TBC1D5: variants seen among roughly 807,000 people sequenced by gnomAD.
The protein encoded by TBC1D5 is TBC1 domain family, member 5.
A neutral mutation model predicts 100.3 loss-of-function variants in TBC1D5; 75 were observed. The observed-to-expected ratio is 0.75, with a 90% confidence interval of 0.62 to 0.91. TBC1D5 has a LOEUF of 0.91. TBC1D5 is among the 40% of genes least tolerant of loss of function. TBC1D5 has a pLI of 0.00. For synonymous variants in TBC1D5, 323 were observed against 325.6 expected (o/e 0.99, Z 0.09); for missense variants, 910 against 942.4 (o/e 0.97, Z 0.45).
chr3:17,670,234 C>G (rs2067784773), intron 1 of TBC1D5, among the ~76,000 whole-genome samples: 1 of 152,130 alleles, frequency 6.6e-6, no homozygotes, highest in Non-Finnish European at 1.5e-5. Context: ...TCAGTGAATA[C>G]CAAATCACTC....
In TBC1D5 at chr3:17,261,893, TAACCTTTA is replaced by T. The variant is rs1320271331; in HGVS notation, c.1246-3310_1246-3303del. 1.3e-3 allele frequency among the ~76,000 whole-genome samples: 205 copies of T among 152,100 alleles called. 1 individual carries two copies. Among genetic ancestry groups the T allele is most frequent in the Admixed American group, 2.2e-3 (33 of 15,280 alleles). ...AACTTTATAAAAATATAATGATTTC[TAACCTTTA>T]AAGTTCTGGAATCTCCTCTAAAATA... On this transcript the variant is annotated intron_variant, in intron 15 of 21. Coordinates refer to ENST00000253692, the Ensembl canonical transcript of TBC1D5.
At chr3:17,422,656 A>G (rs1437834239) in intron 4 of TBC1D5, among the ~76,000 whole-genome samples, 3 of 152,174 alleles carry the variant, frequency 2.0e-5, no homozygotes, top group African/African-American at 7.2e-5. Context: ...TGTTATTTCT[A>G]TAAGATATAT....
chr3:17,734,426 T>C (rs1052688095), intron 1 of TBC1D5, among the ~76,000 whole-genome samples: 16 of 152,298 alleles, frequency 1.1e-4, no homozygotes, highest in African/African-American at 2.9e-4. Context: ...AAGCTTAAAA[T>C]TTTTTGGACC....
intron 3 of TBC1D5, among the ~76,000 whole-genome samples, chr3:17,446,110 C>T (rs1460257004): frequency 6.6e-6 from 1 of 152,144 alleles, no homozygotes; most frequent in Non-Finnish European, 1.5e-5. Context: ...AAAATATGTA[C>T]GGCAGAAGGA....
intron 13 of TBC1D5, among the ~76,000 whole-genome samples, chr3:17,328,500 A>T (rs372013436): frequency 4.9e-4 from 75 of 152,260 alleles, no homozygotes; most frequent in Non-Finnish European, 7.9e-4. Flanking sequence ...AATGAGGAAA[A>T]GTGATTTGTC....
At chr3:17,526,610 C>G (rs1482129967) in intron 2 of TBC1D5, among the ~76,000 whole-genome samples, 2 of 152,140 alleles carry the variant, frequency 1.3e-5, no homozygotes, top group African/African-American at 4.8e-5. Flanking sequence ...TTTCCTCACA[C>G]GTAAAATGGT....
intron 2 of TBC1D5, among the ~76,000 whole-genome samples, chr3:17,602,714 A>C (rs902580170): frequency 6.6e-6 from 1 of 151,650 alleles, no homozygotes; most frequent in African/African-American, 2.4e-5. Context: ...CCGAGACTAC[A>C]GGCGCCCGCC....
chr3:17,477,954 T>C (rs904899062), intron 3 of TBC1D5, among the ~76,000 whole-genome samples: 1 of 152,156 alleles, frequency 6.6e-6, no homozygotes, highest in African/African-American at 2.4e-5. Context: ...AACCAGTTCA[T>C]AATTCTGAAT....
At chr3:17,480,792 G>T (rs2095492549) in intron 3 of TBC1D5, among the ~76,000 whole-genome samples, 1 of 152,192 alleles carries the variant, frequency 6.6e-6, no homozygotes, top group Non-Finnish European at 1.5e-5. Context: ...ACGGAAAGGA[G>T]CTACCCACTC....
chr3:17,393,177 C>G (rs951287495), intron 8 of TBC1D5, among the ~76,000 whole-genome samples: 7 of 151,344 alleles, frequency 4.6e-5, no homozygotes, highest in Non-Finnish European at 1.0e-4. Context: ...AATGTCTGTT[C>G]ATATCCTTCA....
At chr3:17,710,862 TA>T (rs1476448010) in intron 1 of TBC1D5, among the ~76,000 whole-genome samples, 4 of 151,946 alleles carry the variant, frequency 2.6e-5, no homozygotes, top group Non-Finnish European at 2.9e-5. Flanking sequence ...CACGCCCAGC[TA>T]ATTTTTGTAT....
intron 3 of TBC1D5, among the ~76,000 whole-genome samples, chr3:17,434,211 G>A (rs2094495238): frequency 6.6e-6 from 1 of 152,208 alleles, no homozygotes; most frequent in Non-Finnish European, 1.5e-5. Flanking sequence ...CCCCAGTGGG[G>A]ACTTTGTATG....
intron 13 of TBC1D5, among the ~76,000 whole-genome samples, chr3:17,349,753 GTTC>G (rs752624205): frequency 2.4e-4 from 36 of 152,104 alleles, no homozygotes; most frequent in Non-Finnish European, 4.7e-4. Context: ...CATTTCTGAG[GTTC>G]TTCTTAGCCT....
rs557814776 is a variant in TBC1D5, at chr3:17,700,526, A to C, written c.-101+38817T>G. 1.1e-3 allele frequency among the ~76,000 whole-genome samples: 165 copies of C among 152,340 alleles called. 1 individual carries two copies. Among genetic ancestry groups the C allele is most frequent in the African/African-American group, 3.8e-3 (156 of 41,590 alleles). On this transcript the variant is annotated intron_variant, in intron 1 of 21. Transcript: ENST00000253692. ...TTTCTGCACAGCAAAAGAAACTACC[A>C]TCAGAGTGAACAGGCAACCTACAGA...
chr3:17,341,737 A>T (rs1428317685), intron 13 of TBC1D5, among the ~76,000 whole-genome samples: 2 of 152,206 alleles, frequency 1.3e-5, no homozygotes, highest in African/African-American at 2.4e-5. Context: ...GGAATACATT[A>T]ATAGAACATT....
chr3:17,712,721 G>A (rs561621905), intron 1 of TBC1D5, among the ~76,000 whole-genome samples: 1 of 152,224 alleles, frequency 6.6e-6, no homozygotes, highest in East Asian at 1.9e-4. Flanking sequence ...AGGCAACCAA[G>A]AAAGCATCTA....
At chr3:17,557,026 C>T (rs2096526598) in intron 2 of TBC1D5, among the ~76,000 whole-genome samples, 6 of 152,118 alleles carry the variant, frequency 3.9e-5, no homozygotes, top group Admixed American at 3.9e-4. Flanking sequence ...AAAGTACCTT[C>T]CTCCCTCAAC....
intron 1 of TBC1D5, among the ~76,000 whole-genome samples, chr3:17,657,184 G>A (rs1047975949): frequency 1.3e-5 from 2 of 151,958 alleles, no homozygotes; most frequent in Non-Finnish European, 2.9e-5. Flanking sequence ...AACTCCCTGC[G>A]TATATCTCTA....
intron 17 of TBC1D5, among the ~76,000 whole-genome samples, chr3:17,222,484 T>G (rs2074396001): frequency 6.6e-6 from 1 of 152,154 alleles, no homozygotes; most frequent in African/African-American, 2.4e-5. Context: ...AATGTCCATT[T>G]TTTTTCTTCC....
Sources: gnomAD v4.1 joint callset for allele counts (sites outside exome capture counted in the v4.1 genomes callset) on GRCh38, gnomAD v4.1.1 for gene constraint, MANE v1.5 for transcripts, NCBI Gene and HGNC (gene_info 2026-07-23, HGNC 2026-07-21) for gene names.